PREX1: variants seen among roughly 807,000 people sequenced by gnomAD.
PREX1 encodes phosphatidylinositol 3,4,5-trisphosphate-dependent Rac exchanger 1 protein.
Under a neutral mutation model 198.3 loss-of-function variants are expected in PREX1, and 41 were observed. That is an observed-to-expected ratio of 0.21 (90% CI 0.16 to 0.27). The LOEUF is 0.27. Among genes scored for constraint, PREX1 ranks in the 10% least tolerant of loss-of-function variants. PREX1 has a pLI of 1.00. For synonymous variants in PREX1, 843 were observed against 887.2 expected, an observed-to-expected ratio of 0.95 and a Z score of 0.89; for missense variants, 1,620 against 2,200.7, an observed-to-expected ratio of 0.74 and a Z score of 5.28.
chr20:48,885,426 C>G, the PREX1 span, among the ~76,000 whole-genome samples: 1 of 152,152 alleles, frequency 6.6e-6, no homozygotes, highest in African/African-American at 2.4e-5. Flanking sequence ...GGATGTGGAG[C>G]AACAGAAACT....
chr20:48,753,559 A>C (rs2090143386), intron 1 of PREX1, among the ~76,000 whole-genome samples: 1 of 152,302 alleles, frequency 6.6e-6, no homozygotes, highest in Admixed American at 6.5e-5. Context: ...CGCAAACAAC[A>C]GTGACAAGGT....
intron 1 of PREX1, among the ~76,000 whole-genome samples, chr20:48,816,357 C>T (rs535885840): frequency 5.9e-5 from 9 of 152,296 alleles, no homozygotes; most frequent in Middle Eastern, 3.4e-3. Flanking sequence ...CCTGTGTCCA[C>T]GCCCTGGAGG....
At chr20:48,683,038 T>A (rs1326290997) in intron 10 of PREX1, among the ~76,000 whole-genome samples, 1 of 152,164 alleles carries the variant, frequency 6.6e-6, no homozygotes, top group Non-Finnish European at 1.5e-5. Context: ...AAGAAATGCA[T>A]CTGCTTTGTG....
chr20:48,740,476 A>C (rs1169310616), intron 3 of PREX1, among the ~76,000 whole-genome samples: 2 of 152,214 alleles, frequency 1.3e-5, no homozygotes, highest in East Asian at 3.9e-4. Flanking sequence ...ACTTGCTGCA[A>C]TTGTGCATAA....
intron 7 of PREX1, 67 bp from the exon 8 acceptor site, chr20:48,692,857 G>T (rs572375158): frequency 7.5e-7 from 1 of 1,334,378 alleles, no homozygotes; most frequent in Non-Finnish European, 1.1e-6. Flanking sequence ...TTTCAACAGC[G>T]CAAAGGGGAA....
chr20:48,823,726 G>C (rs913554779), intron 1 of PREX1, among the ~76,000 whole-genome samples: 1 of 152,208 alleles, frequency 6.6e-6, no homozygotes, highest in Non-Finnish European at 1.5e-5. Flanking sequence ...ACATCACACA[G>C]ACCTGGGTTC....
intron 1 of PREX1, among the ~76,000 whole-genome samples, chr20:48,771,695 T>C (rs1197196261): frequency 1.3e-5 from 2 of 152,142 alleles, no homozygotes; most frequent in African/African-American, 2.4e-5. Context: ...CCCATCACCA[T>C]GCGGAGGAGG....
intron 10 of PREX1, among the ~76,000 whole-genome samples, chr20:48,687,997 C>T (rs1601077321): frequency 6.6e-6 from 1 of 152,144 alleles, no homozygotes; most frequent in South Asian, 2.1e-4. Context: ...AACACCCTGA[C>T]CTAGGACTGC....
At chr20:48,862,588 G>C in the PREX1 span, among the ~76,000 whole-genome samples, 4 of 151,448 alleles carry the variant, frequency 2.6e-5, no homozygotes, top group African/African-American at 4.9e-5. Flanking sequence ...CCCTCTCCAG[G>C]CTTCAATCTC....
chr20:48,816,509 C>T (rs1157622357), intron 1 of PREX1, among the ~76,000 whole-genome samples: 2 of 152,118 alleles, frequency 1.3e-5, no homozygotes, highest in African/African-American at 4.8e-5. Flanking sequence ...TAAAAGACGC[C>T]TGCGGGGGAT....
At chr20:48,728,679 G>A (rs2090020305) in intron 4 of PREX1, among the ~76,000 whole-genome samples, 1 of 152,194 alleles carries the variant, frequency 6.6e-6, no homozygotes. Context: ...CCTGGGGGTG[G>A]GGAAGTGCTT....
upstream of PREX1, among the ~76,000 whole-genome samples, chr20:48,830,294 C>G (rs1460718536): frequency 6.6e-6 from 1 of 152,178 alleles, no homozygotes; most frequent in Non-Finnish European, 1.5e-5. Flanking sequence ...CCCAGGAGGT[C>G]AGGGCTGCAA....
the PREX1 span, among the ~76,000 whole-genome samples, chr20:48,846,300 G>C: frequency 1.3e-5 from 2 of 152,186 alleles, no homozygotes; most frequent in African/African-American, 4.8e-5. Context: ...GGAGGATCCC[G>C]CATATAATTT....
intron 29 of PREX1, 84 bp from the exon 30 acceptor site, chr20:48,639,978 A>G: frequency 1.3e-6 from 2 of 1,502,894 alleles, no homozygotes; most frequent in Non-Finnish European, 1.8e-6. Flanking sequence ...ATGTCCCATC[A>G]CAGATCCCAG....
At chr20:48,751,753 C>T (rs1194338494) in intron 1 of PREX1, among the ~76,000 whole-genome samples, 2 of 152,230 alleles carry the variant, frequency 1.3e-5, no homozygotes, top group Non-Finnish European at 2.9e-5. Flanking sequence ...AGAAACTCCT[C>T]CAGCCTCGGA....
chr20:48,682,257 T>A (rs1171613110), intron 10 of PREX1, among the ~76,000 whole-genome samples: 1 of 152,206 alleles, frequency 6.6e-6, no homozygotes, highest in Non-Finnish European at 1.5e-5. Flanking sequence ...TGCCTTCTCA[T>A]CCTTCAGGTC....
intron 1 of PREX1, among the ~76,000 whole-genome samples, chr20:48,765,074 GA>G (rs2122856669): frequency 6.6e-6 from 1 of 152,308 alleles, no homozygotes; most frequent in South Asian, 2.1e-4. Flanking sequence ...AAAGGCACAA[GA>G]AACTAATACG....
intron 2 of PREX1, 120 bp from the exon 3 acceptor site, chr20:48,745,267 C>T (rs2090102590): frequency 2.8e-6 from 3 of 1,087,952 alleles, no homozygotes; most frequent in Non-Finnish European, 3.9e-6. Context: ...AACTCTCAAA[C>T]ACCGGAACTG....
At chr20:48,847,766 C>A in the PREX1 span, among the ~76,000 whole-genome samples, 26,961 of 152,124 alleles carry the variant, frequency 0.18, 2,484 homozygotes, top group Admixed American at 0.19. Flanking sequence ...GAACATTCCC[C>A]TCACCCCAGA....
Sources: gnomAD v4.1 joint callset for allele counts (sites outside exome capture counted in the v4.1 genomes callset) on GRCh38, gnomAD v4.1.1 for gene constraint, MANE v1.5 for transcripts, NCBI Gene and HGNC (gene_info 2026-07-23, HGNC 2026-07-21) for gene names.